Variants in NKAIN3 observed in about 807,000 individuals in gnomAD.
NKAIN3 encodes sodium/potassium transporting ATPase interacting 3.
NKAIN3 carries 25 observed loss-of-function variants against 30.2 expected under a neutral mutation model. The ratio of observed to expected loss-of-function variants is 0.83; its 90% confidence interval spans 0.60 to 1.16. NKAIN3 has a LOEUF of 1.16. Among genes scored for constraint, NKAIN3 ranks in the 50% most tolerant of loss-of-function variants. NKAIN3 has a pLI of 0.00. For missense variants in NKAIN3, 225 were observed against 254.1 expected, an observed-to-expected ratio of 0.89 and a Z score of 0.78; for synonymous variants, 91 against 89.6, an observed-to-expected ratio of 1.02 and a Z score of -0.09.
intron 1 of NKAIN3, among the ~76,000 whole-genome samples, chr8:62,322,815 C>T (rs1380261269): frequency 6.6e-6 from 1 of 152,088 alleles, no homozygotes; most frequent in East Asian, 1.9e-4. Flanking sequence ...GGCTAGTATC[C>T]AACATATATG....
intron 1 of NKAIN3, among the ~76,000 whole-genome samples, chr8:62,446,754 G>A (rs1461662257): frequency 2.0e-5 from 3 of 149,878 alleles, no homozygotes; most frequent in African/African-American, 4.9e-5. Flanking sequence ...TTTATTCAGC[G>A]TGATATCTTC....
At chr8:62,852,778 T>C (rs10099222) in intron 4 of NKAIN3, among the ~76,000 whole-genome samples, 1 of 152,192 alleles carries the variant, frequency 6.6e-6, no homozygotes, top group East Asian at 1.9e-4. Context: ...GTGAGTTTCT[T>C]AATCCTGAGT....
chr8:62,363,114 A>G (rs1030206375), intron 1 of NKAIN3, among the ~76,000 whole-genome samples: 1 of 152,234 alleles, frequency 6.6e-6, no homozygotes. Flanking sequence ...CAGTATGACT[A>G]GTATTATGTG....
At chr8:62,547,490 T>C (rs1310322640) in intron 1 of NKAIN3, among the ~76,000 whole-genome samples, 1 of 152,194 alleles carries the variant, frequency 6.6e-6, no homozygotes, top group Non-Finnish European at 1.5e-5. Context: ...TTATTTCTGA[T>C]CAAACTGAAA....
At chr8:62,413,977 T>C (rs1804349573) in intron 1 of NKAIN3, among the ~76,000 whole-genome samples, 1 of 152,170 alleles carries the variant, frequency 6.6e-6, no homozygotes, top group Non-Finnish European at 1.5e-5. Flanking sequence ...TAGACATAGA[T>C]AATAAATTAC....
At position 62,862,772 on chromosome 8, in the gene NKAIN3, G is replaced by A. The variant is rs546911860; in HGVS notation, c.472-55681G>A. 1.4e-4 allele frequency among the ~76,000 whole-genome samples: 22 copies of A among 152,218 alleles called. 1 individual carries two copies. The South Asian group carries it at 4.6e-3, about 32-fold the overall frequency. On this transcript the variant is annotated intron_variant, in intron 4 of 6. Coordinates refer to ENST00000623646, the MANE Select transcript of NKAIN3 (RefSeq NM_001304533.3). Reference sequence around the variant, plus strand: ...GAATGAAGACTCAGGAAATAAAACAGAATGAAAAAGATAAGAATATTCCAC... The same window carrying A: ...GAATGAAGACTCAGGAAATAAAACAAAATGAAAAAGATAAGAATATTCCAC...
At chr8:62,552,794 C>G (rs910698283) in intron 1 of NKAIN3, among the ~76,000 whole-genome samples, 2 of 152,152 alleles carry the variant, frequency 1.3e-5, no homozygotes, top group Admixed American at 1.3e-4. Context: ...GTGGTGTGCC[C>G]TAATGTGCAA....
At chr8:62,440,465 G>A (rs1021387231) in intron 1 of NKAIN3, among the ~76,000 whole-genome samples, 2 of 152,116 alleles carry the variant, frequency 1.3e-5, no homozygotes, top group Non-Finnish European at 2.9e-5. Flanking sequence ...GAAAATAAAA[G>A]TTCCCTCCTC....
At chr8:62,375,697 C>G (rs1478169861) in intron 1 of NKAIN3, among the ~76,000 whole-genome samples, 1 of 152,116 alleles carries the variant, frequency 6.6e-6, no homozygotes, top group African/African-American at 2.4e-5. Context: ...ACTGCCTGGA[C>G]AGATTATATG....
intron 1 of NKAIN3, among the ~76,000 whole-genome samples, chr8:62,561,677 C>G (rs1809582720): frequency 6.6e-6 from 1 of 152,068 alleles, no homozygotes. Context: ...ATACTCACTT[C>G]ATAGAGTTTC....
chr8:62,808,494 G>A (rs1382308248), intron 4 of NKAIN3, among the ~76,000 whole-genome samples: 4 of 152,092 alleles, frequency 2.6e-5, no homozygotes, highest in Non-Finnish European at 4.4e-5. Flanking sequence ...TTCAACGTAG[G>A]TTCTTTTCTA....
intron 4 of NKAIN3, among the ~76,000 whole-genome samples, chr8:62,807,179 T>C (rs969765743): frequency 1.3e-5 from 2 of 152,218 alleles, no homozygotes; most frequent in Non-Finnish European, 2.9e-5. Context: ...TTCAAGCGAA[T>C]AGAAAATACA....
At chr8:62,282,889 T>C (rs1192139358) in intron 1 of NKAIN3, among the ~76,000 whole-genome samples, 1 of 152,090 alleles carries the variant, frequency 6.6e-6, no homozygotes, top group Non-Finnish European at 1.5e-5. Flanking sequence ...ACAACCCTCT[T>C]CTCCTCATTA....
intron 4 of NKAIN3, among the ~76,000 whole-genome samples, chr8:62,794,519 T>C (rs1322413397): frequency 6.6e-6 from 1 of 152,142 alleles, no homozygotes; most frequent in Non-Finnish European, 1.5e-5. Context: ...CATAAAATAC[T>C]GTTCTTACAT....
intron 1 of NKAIN3, among the ~76,000 whole-genome samples, chr8:62,483,974 A>G (rs1169014074): frequency 6.6e-6 from 1 of 152,156 alleles, no homozygotes; most frequent in Non-Finnish European, 1.5e-5. Flanking sequence ...TGCAGACACA[A>G]TCAGCAAACA....
At chr8:62,574,714 G>A (rs1810054733) in intron 1 of NKAIN3, among the ~76,000 whole-genome samples, 1 of 152,000 alleles carries the variant, frequency 6.6e-6, no homozygotes, top group Admixed American at 6.6e-5. Context: ...ATTTGCTATT[G>A]CCTGTTTTTT....
intron 1 of NKAIN3, among the ~76,000 whole-genome samples, chr8:62,371,574 A>G (rs952028968): frequency 6.6e-6 from 1 of 151,948 alleles, no homozygotes; most frequent in Non-Finnish European, 1.5e-5. Flanking sequence ...TCTGCAATAT[A>G]AATTCTGCAA....
intron 3 of NKAIN3, 31 bp from the exon 4 acceptor site, chr8:62,746,901 C>T (rs1816089450): frequency 6.6e-7 from 1 of 1,511,132 alleles, no homozygotes; most frequent in Non-Finnish European, 9.2e-7. Context: ...ACAATTTCCT[C>T]ATTTTGCTCT....
chr8:62,301,852 T>C (rs1464402043), intron 1 of NKAIN3, among the ~76,000 whole-genome samples: 1 of 152,032 alleles, frequency 6.6e-6, no homozygotes, highest in African/African-American at 2.4e-5. Context: ...GCTGTTACCA[T>C]GCTGCTAACC....
Sources: allele counts gnomAD v4.1 joint callset (sites outside exome capture counted in the v4.1 genomes callset), GRCh38; gene constraint gnomAD v4.1.1; transcripts MANE v1.5; gene names NCBI Gene and HGNC (gene_info 2026-07-23, HGNC 2026-07-21).